The following SLC8A3 variants were observed in gnomAD, a reference collection of about 807,000 sequenced individuals.
SLC8A3 encodes sodium/calcium exchanger 3.
SLC8A3 carries 37 observed loss-of-function variants against 65.4 expected under a neutral mutation model. The ratio of observed to expected loss-of-function variants is 0.57; its 90% CI spans 0.44 to 0.74. The LOEUF (loss-of-function observed/expected upper bound fraction) is 0.74. Among genes scored for constraint, SLC8A3 ranks in the 30% least tolerant of loss-of-function variants. The pLI is 0.00. For missense variants in SLC8A3, 1,112 were observed against 1,172.1 expected, an observed-to-expected ratio of 0.95 and a Z score of 0.75; for synonymous variants, 461 against 444.5, an observed-to-expected ratio of 1.04 and a Z score of -0.47.
chr14:70,048,867 G>C lies in SLC8A3; in HGVS notation c.2289C>G (p.Thr763=). The C allele has an allele frequency of 6.2e-7, 1 of 1,614,148 alleles. No individual in the cohort carries two copies. Among genetic ancestry groups the C allele is most frequent in the South Asian group, 1.1e-5 (1 of 91,058 alleles). The change falls in exon 6 of 7, where the codon ACC becomes ACG. Residue 763 remains threonine (T), a synonymous_variant. Transcript: ENST00000356921. ...AVSILIIGML[T]AIIGDLASHF... Reference sequence around the variant, plus strand: ...GCGAGGCCAGGTCCCCAATGATGGCGGTGAGCATGCCAATGATGAGGATGG... The same window carrying C: ...GCGAGGCCAGGTCCCCAATGATGGCCGTGAGCATGCCAATGATGAGGATGG...
At chr14:70,157,450 G>C (rs1205604251) in intron 2 of SLC8A3, among the ~76,000 whole-genome samples, 1 of 152,060 alleles carries the variant, frequency 6.6e-6, no homozygotes, top group Non-Finnish European at 1.5e-5. Context: ...AGTGGTCTTT[G>C]ACATGACCAG....
chr14:70,131,126 T>C (rs922628595), intron 2 of SLC8A3, among the ~76,000 whole-genome samples: 12 of 152,184 alleles, frequency 7.9e-5, no homozygotes, highest in Non-Finnish European at 1.6e-4. Flanking sequence ...AGGAGAATGC[T>C]CTGTTGTGGA....
intron 2 of SLC8A3, among the ~76,000 whole-genome samples, chr14:70,065,290 A>G (rs888293472): frequency 6.6e-5 from 10 of 152,176 alleles, no homozygotes; most frequent in South Asian, 2.1e-4. Context: ...GATCCTGCAG[A>G]ATCAGATCTG....
At chr14:70,065,468 A>T (rs1459582360) in intron 2 of SLC8A3, among the ~76,000 whole-genome samples, 1 of 152,152 alleles carries the variant, frequency 6.6e-6, no homozygotes, top group Non-Finnish European at 1.5e-5. Flanking sequence ...GTGAAAGGCC[A>T]TGATGCTCTG....
intron 1 of SLC8A3, among the ~76,000 whole-genome samples, chr14:70,181,039 T>G (rs1299402851): frequency 6.6e-6 from 1 of 152,198 alleles, no homozygotes; most frequent in Non-Finnish European, 1.5e-5. Context: ...ACAATCTGTA[T>G]GCTATGAAAC....
intron 1 of SLC8A3, among the ~76,000 whole-genome samples, chr14:70,169,770 T>C (rs1007570583): frequency 6.6e-6 from 1 of 152,022 alleles, no homozygotes; most frequent in Non-Finnish European, 1.5e-5. Context: ...GATTTGTGTT[T>C]GTACAGCACC....
At chr14:70,084,682 G>T (rs983035770) in intron 2 of SLC8A3, among the ~76,000 whole-genome samples, 2 of 152,172 alleles carry the variant, frequency 1.3e-5, no homozygotes, top group African/African-American at 4.8e-5. Context: ...AATGTTTTCT[G>T]GAATTGCTAT....
intron 2 of SLC8A3, among the ~76,000 whole-genome samples, chr14:70,072,717 G>T (rs559316319): frequency 6.6e-6 from 1 of 152,090 alleles, no homozygotes; most frequent in Non-Finnish European, 1.5e-5. Flanking sequence ...GCATGATCTC[G>T]ACTCACTGCA....
chr14:70,107,102 T>C (rs4902777), intron 2 of SLC8A3, among the ~76,000 whole-genome samples: 150,699 of 152,208 alleles, frequency 0.99, 74,630 homozygotes, highest in East Asian at 1. Context: ...AGATTGGAGC[T>C]AGATTGTGGA....
intron 2 of SLC8A3, among the ~76,000 whole-genome samples, chr14:70,086,731 A>C (rs1891473812): frequency 6.6e-6 from 1 of 151,994 alleles, no homozygotes; most frequent in Non-Finnish European, 1.5e-5. Context: ...TGTAGCACCA[A>C]AGCCTTCATT....
intron 2 of SLC8A3, among the ~76,000 whole-genome samples, chr14:70,149,721 G>A (rs574063745): frequency 9.9e-5 from 15 of 152,282 alleles, no homozygotes; most frequent in African/African-American, 2.2e-4. Flanking sequence ...AATTATCCTT[G>A]AGACCAGAAA....
At chr14:70,077,222 G>T (rs1890617911) in intron 2 of SLC8A3, among the ~76,000 whole-genome samples, 1 of 152,150 alleles carries the variant, frequency 6.6e-6, no homozygotes, top group Non-Finnish European at 1.5e-5. Flanking sequence ...ACCAGGTAGG[G>T]TGTTTTCTGA....
chr14:70,055,751 C>T lies in SLC8A3; in HGVS notation c.1889-3637G>A, dbSNP rs370269342. 32 of 1,570,700 alleles carry T rather than the reference C, an allele frequency of 2.0e-5. No homozygotes were observed. The African/African-American group carries it at 3.4e-4, about 17-fold the overall frequency. ...ATTGGTCTTAAACCAAATAATGGCA[C>T]TGGCAAGAAGTGGAAAGAAAAGAGG... is the stretch of plus-strand genomic sequence containing the variant. On this transcript the variant is annotated intron_variant, in intron 3 of 6. Coordinates refer to ENST00000356921, the MANE Select transcript of SLC8A3 (RefSeq NM_182932.3).
intron 2 of SLC8A3, among the ~76,000 whole-genome samples, chr14:70,095,360 C>T (rs72729886): frequency 7.9e-5 from 12 of 152,322 alleles, no homozygotes; most frequent in Non-Finnish European, 1.0e-4. Context: ...AGAAATCAGA[C>T]GCCACATCCA....
intron 2 of SLC8A3, among the ~76,000 whole-genome samples, chr14:70,132,997 T>A (rs1185023444): frequency 2.0e-5 from 3 of 152,140 alleles, no homozygotes; most frequent in Non-Finnish European, 4.4e-5. Context: ...CTGCCAGGTT[T>A]GACACTCAAT....
chr14:70,101,840 T>C (rs1892572279), intron 2 of SLC8A3, among the ~76,000 whole-genome samples: 1 of 152,150 alleles, frequency 6.6e-6, no homozygotes, highest in South Asian at 2.1e-4. Context: ...TACTTTCCTA[T>C]TGTGGAGCAG....
intron 2 of SLC8A3, among the ~76,000 whole-genome samples, chr14:70,157,402 G>A (rs1185899643): frequency 6.6e-6 from 1 of 152,054 alleles, no homozygotes; most frequent in Admixed American, 6.5e-5. Flanking sequence ...GTGGGAGAAG[G>A]GGGCACTTGA....
chr14:70,058,624 G>A (rs1351709676), intron 3 of SLC8A3, among the ~76,000 whole-genome samples: 1 of 152,206 alleles, frequency 6.6e-6, no homozygotes, highest in Non-Finnish European at 1.5e-5. Flanking sequence ...GTCCTTAAAT[G>A]GGGATTAGCC....
chr14:70,176,220 G>A (rs980940848), intron 1 of SLC8A3, among the ~76,000 whole-genome samples: 1 of 152,240 alleles, frequency 6.6e-6, no homozygotes, highest in African/African-American at 2.4e-5. Flanking sequence ...GGGCCAGAGA[G>A]CTAGGAAGAG....
Sources: gnomAD v4.1 joint callset for allele counts (sites outside exome capture counted in the v4.1 genomes callset) on GRCh38, gnomAD v4.1.1 for gene constraint, MANE v1.5 for transcripts, NCBI Gene and HGNC (gene_info 2026-07-23, HGNC 2026-07-21) for gene names.